NTN4: variants seen among roughly 807,000 people sequenced by gnomAD.
NTN4 encodes the protein netrin-4.
NTN4 carries 32 observed loss-of-function variants against 73.6 expected under a neutral mutation model. The observed-to-expected ratio is 0.44, with a 90% confidence interval of 0.33 to 0.58. NTN4 has a LOEUF of 0.58. NTN4 is among the 20% of genes least tolerant of loss of function. NTN4 has a pLI of 0.04. For synonymous variants in NTN4, 258 were observed against 287.5 expected, an observed-to-expected ratio of 0.90 and a Z score of 1.04; for missense variants, 654 against 798.3, an observed-to-expected ratio of 0.82 and a Z score of 2.18.
chr12:95,766,383 G>C (rs1292134277), intron 2 of NTN4, among the ~76,000 whole-genome samples: 2 of 152,182 alleles, frequency 1.3e-5, no homozygotes, highest in Admixed American at 1.3e-4. Flanking sequence ...TCTGAATCTG[G>C]ACATAAATCC....
intron 7 of NTN4, among the ~76,000 whole-genome samples, chr12:95,671,557 T>G (rs1012458687): frequency 1.8e-4 from 27 of 152,298 alleles, no homozygotes; most frequent in African/African-American, 6.0e-4. Flanking sequence ...CTCTAGGTTG[T>G]GCTCTCCTTA....
intron 7 of NTN4, among the ~76,000 whole-genome samples, chr12:95,678,660 C>CA (rs748282938): frequency 6.6e-6 from 1 of 151,976 alleles, no homozygotes; most frequent in Non-Finnish European, 1.5e-5. Context: ...ACAAGTGAGA[C>CA]AAAACTGTCC....
intron 2 of NTN4, among the ~76,000 whole-genome samples, chr12:95,752,355 T>C (rs1360060429): frequency 1.3e-5 from 2 of 151,162 alleles, no homozygotes; most frequent in Non-Finnish European, 2.9e-5. Context: ...GCCAAACCCA[T>C]ATACTCTCCT....
At chr12:95,709,418 CATTCACATA>C (rs1231004732) in intron 5 of NTN4, among the ~76,000 whole-genome samples, 1 of 152,232 alleles carries the variant, frequency 6.6e-6, no homozygotes, top group African/African-American at 2.4e-5. Flanking sequence ...GCACCCTTTA[CATTCACATA>C]ATTCAGATAA....
At chr12:95,723,175 G>T (rs10777721) in intron 3 of NTN4, among the ~76,000 whole-genome samples, 123,129 of 151,612 alleles carry the variant, frequency 0.81, 50,120 homozygotes, top group South Asian at 0.86. Context: ...TATCTTTATT[G>T]ATAACTGTGG....
At chr12:95,739,456 A>G (rs747828431) in intron 2 of NTN4, among the ~76,000 whole-genome samples, 3 of 152,222 alleles carry the variant, frequency 2.0e-5, no homozygotes, top group Non-Finnish European at 4.4e-5. Context: ...CCAACAAACA[A>G]TATGTCATAT....
chr12:95,790,306 C>G lies in NTN4; in HGVS notation c.4G>C (p.Gly2Arg), dbSNP rs2079199132. M[G>R]SCARLLLLWG... ...AGCAGCAGCAGCCGCGCGCAGCTCC[C>G]CATGGCCGGGAGGAGCCGGGAGCAG... The change falls in exon 1 of 10, where the codon GGG (glycine) becomes CGG (arginine). Residue 2 changes from glycine to arginine, a missense_variant. Gly to Arg is a moderately radical substitution (Grantham distance 125). Transcript: ENST00000343702. The surrounding 1 kb of genome is among the most constrained non-coding windows in gnomAD (Gnocchi z 6.5). The G allele has an allele frequency of 3.9e-6, 6 of 1,530,162 alleles. No individual in the cohort carries two copies. Among genetic ancestry groups the G allele is most frequent in the Non-Finnish European group, 5.3e-6 (6 of 1,139,526 alleles). The allele number at this position is 1,530,162 out of a possible 1,614,324, so 94.8% of individuals were successfully genotyped here.
intron 3 of NTN4, among the ~76,000 whole-genome samples, chr12:95,732,052 G>A (rs1357462067): frequency 2.0e-5 from 3 of 152,108 alleles, no homozygotes; most frequent in Non-Finnish European, 4.4e-5. Flanking sequence ...TGCTAAAACC[G>A]AAAACTAATT....
At chr12:95,695,925 T>TCC (rs2078437916) in intron 5 of NTN4, among the ~76,000 whole-genome samples, 1 of 138,204 alleles carries the variant, frequency 7.2e-6, no homozygotes, top group South Asian at 2.5e-4. Context: ...CCTCCCTCCC[T>TCC]CTTTTCTTTT....
At chr12:95,769,277 G>A (rs11836540) in intron 2 of NTN4, among the ~76,000 whole-genome samples, 51,565 of 151,626 alleles carry the variant, frequency 0.34, 9,260 homozygotes, top group East Asian at 0.59. Context: ...AGGGGGCAGT[G>A]GAATTGAGAG....
intron 9 of NTN4, among the ~76,000 whole-genome samples, chr12:95,664,075 T>C (rs952753688): frequency 2.0e-5 from 3 of 152,132 alleles, no homozygotes; most frequent in Middle Eastern, 3.2e-3. Flanking sequence ...TCTTTTGAGA[T>C]AGGGTCTTGC....
chr12:95,723,335 G>A (rs1358589696), intron 3 of NTN4, among the ~76,000 whole-genome samples: 2 of 151,464 alleles, frequency 1.3e-5, no homozygotes, highest in East Asian at 1.9e-4. Context: ...GCACACCCTC[G>A]CTAGGTTTTC....
intron 2 of NTN4, among the ~76,000 whole-genome samples, chr12:95,769,727 C>CA (rs1045205739): frequency 2.0e-5 from 3 of 149,816 alleles, no homozygotes; most frequent in Non-Finnish European, 4.4e-5. Context: ...GTTACAGGTG[C>CA]ATACTCCTAA....
intron 5 of NTN4, among the ~76,000 whole-genome samples, chr12:95,693,739 A>G (rs1455938377): frequency 1.3e-5 from 2 of 150,926 alleles, no homozygotes; most frequent in African/African-American, 4.9e-5. Flanking sequence ...TCAATTGAAA[A>G]AAAAAAAAAA....
chr12:95,691,335 A>G (rs2078400008), intron 5 of NTN4, among the ~76,000 whole-genome samples: 1 of 152,124 alleles, frequency 6.6e-6, no homozygotes, highest in Non-Finnish European at 1.5e-5. Flanking sequence ...TTTTTTCACA[A>G]TAAATGTCAA....
chr12:95,776,098 G>T (rs1157282978), intron 2 of NTN4, among the ~76,000 whole-genome samples: 1 of 152,220 alleles, frequency 6.6e-6, no homozygotes, highest in Non-Finnish European at 1.5e-5. Context: ...GCAGCTGAGG[G>T]TCCTGACTGT....
Position 95,658,975 on chromosome 12 carries a change from C to T in NTN4, c.*111G>A. ...ATAAGACCCATGCATTCAAACATTT[C>T]TATATGTTTTGGCACTTTAAAAAAT... On this transcript the variant is annotated 3_prime_UTR_variant, in exon 10 of 10. Transcript: ENST00000343702. 1.1e-6 allele frequency: 1 copy of T among 929,430 alleles called. No homozygotes were observed. Among genetic ancestry groups the T allele is most frequent in the Non-Finnish European group, 1.6e-6 (1 of 618,912 alleles). 57.6% of individuals were successfully genotyped at this position (929,430 alleles called of 1,614,324 possible). A position where few individuals can be genotyped will look rare whatever the true frequency, so the allele number is the denominator to read the frequency against.
chr12:95,758,008 G>A (rs1032758033), intron 2 of NTN4, among the ~76,000 whole-genome samples: 2 of 152,180 alleles, frequency 1.3e-5, no homozygotes, highest in African/African-American at 4.8e-5. Context: ...TAGTTGGGTT[G>A]TTTACAGATT....
intron 2 of NTN4, among the ~76,000 whole-genome samples, chr12:95,773,324 C>T (rs1471565980): frequency 2.6e-5 from 4 of 152,130 alleles, no homozygotes; most frequent in Non-Finnish European, 5.9e-5. Flanking sequence ...TCTAATATCA[C>T]CCAGACTAAA....
Sources: gnomAD v4.1 joint callset for allele counts (sites outside exome capture counted in the v4.1 genomes callset) on GRCh38, gnomAD v4.1.1 for gene constraint, Gnocchi (gnomAD v3.1) non-coding constraint, MANE v1.5 for transcripts, NCBI Gene and HGNC (gene_info 2026-07-23, HGNC 2026-07-21) for gene names.